Variants in YJU2B observed in about 807,000 individuals in gnomAD.
YJU2B encodes the protein YJU2 splicing factor homolog B.
YJU2B carries 18 observed loss-of-function variants against 38.0 expected under a neutral mutation model. The ratio of observed to expected loss-of-function variants is 0.47; its 90% CI spans 0.33 to 0.70. YJU2B has a LOEUF of 0.70. Among genes scored for constraint, YJU2B ranks in the 30% least tolerant of loss-of-function variants. The pLI, the probability that YJU2B is intolerant of heterozygous loss-of-function variation, is 0.02. For synonymous variants in YJU2B, 246 were observed against 225.4 expected, an observed-to-expected ratio of 1.09 and a Z score of -0.82; for missense variants, 538 against 556.3, an observed-to-expected ratio of 0.97 and a Z score of 0.33.
chr19:13,743,595 AAG>A (rs1346508469), upstream of YJU2B, among the ~76,000 whole-genome samples: 7 of 141,282 alleles, frequency 5.0e-5, no homozygotes, highest in Admixed American at 4.4e-4. Context: ...AAAAAAGAAA[AAG>A]AAAAAAATAG....
rs757574359 is a variant in YJU2B at position 13,756,193 on chromosome 19, A to C, written c.58-4A>C. 1 of 1,613,624 alleles carries C rather than the reference A, an allele frequency of 6.2e-7. No homozygotes were observed. On this transcript the variant is annotated splice_polypyrimidine_tract_variant and splice_region_variant and intron_variant, in intron 3 of 9. Transcript: ENST00000221554. Reference sequence around the variant, plus strand: ...CTAATCCGCTCCTCATCCTCTCCACACAGCATGGCTCTCTCAACCGATACC... The same window carrying C: ...CTAATCCGCTCCTCATCCTCTCCACCCAGCATGGCTCTCTCAACCGATACC...
At chr19:13,738,915 T>G (rs1440339944) in intron 2 of YJU2B, among the ~76,000 whole-genome samples, 1 of 110,828 alleles carries the variant, frequency 9.0e-6, no homozygotes, top group African/African-American at 3.6e-5. Flanking sequence ...AAAAAAAAAA[T>G]TAGCTGTGCA....
chr19:13,759,047 C>T, intron 7 of YJU2B, 37 bp downstream of exon 7: 1 of 1,612,108 alleles, frequency 6.2e-7, no homozygotes, highest in Non-Finnish European at 8.5e-7. Flanking sequence ...GGGGCCCTGG[C>T]CCTGAGTCTG....
intron 1 of YJU2B, among the ~76,000 whole-genome samples, chr19:13,750,497 G>A (rs562966825): frequency 3.5e-4 from 53 of 152,088 alleles, no homozygotes; most frequent in Non-Finnish European, 5.6e-4. Context: ...AAACTGCTGG[G>A]ATTACAGGTG....
intron 3 of YJU2B, among the ~76,000 whole-genome samples, chr19:13,755,422 C>G (rs1226116639): frequency 6.8e-6 from 1 of 147,340 alleles, no homozygotes; most frequent in African/African-American, 2.5e-5. Flanking sequence ...GATCACGCCA[C>G]TGCACTCCAG....
chr19:13,744,751 T>C (rs545344551), upstream of YJU2B, among the ~76,000 whole-genome samples: 13 of 152,204 alleles, frequency 8.5e-5, no homozygotes, highest in South Asian at 2.5e-3. Flanking sequence ...CCCAGCACTT[T>C]GGGAGGCCGA....
In YJU2B at chr19:13,759,143, G is replaced by A. The variant is rs866188754; in HGVS notation, c.444G>A (p.Arg148=). Residue 148 remains arginine, a synonymous_variant, in exon 8 of 10, where the codon CGG becomes CGA. Coordinates refer to ENST00000221554, the MANE Select transcript of YJU2B (RefSeq NM_030818.4). ...AGCTGGAGACGGACGCCATGTTCCGGCTGGAGCATGGCGAGGCCGACCGCA... is the reference window on the plus strand; with the variant it reads ...AGCTGGAGACGGACGCCATGTTCCGACTGGAGCATGGCGAGGCCGACCGCA... ...KQKLETDAMF[R]LEHGEADRST... is the part of the protein sequence containing the mutation. 6.2e-7 allele frequency: 1 copy of A among 1,613,706 alleles called. No homozygotes were observed. Among genetic ancestry groups the A allele is most frequent in the Non-Finnish European group, 8.5e-7 (1 of 1,179,884 alleles).
Position 13,758,942 on chromosome 19 carries a change from T to TCGTGAGTGGCGCCCAGCG in YJU2B, c.334_351dup (p.Val112_Arg117dup), listed in dbSNP as rs779112272. 1 of 1,614,062 alleles carries TCGTGAGTGGCGCCCAGCG rather than the reference T, an allele frequency of 6.2e-7. No individual in the cohort carries two copies. Among genetic ancestry groups the TCGTGAGTGGCGCCCAGCG allele is most frequent in the South Asian group, 1.1e-5 (1 of 91,084 alleles). On this transcript the variant is annotated inframe_insertion, in exon 7 of 10. Coordinates refer to ENST00000221554, the MANE Select transcript of YJU2B (RefSeq NM_030818.4). ...GACCCCGCCAACTGCGACTACGTGA[T>TCGTGAGTGGCGCCCAGCG]CGTGAGTGGCGCCCAGCGCAAGGAG...
At chr19:13,747,987 C>G (rs992688726) in intron 1 of YJU2B, 33 bp downstream of exon 1, 3 of 152,128 alleles carry the variant, frequency 2.0e-5, no homozygotes, top group Non-Finnish European at 2.9e-5. Flanking sequence ...GCGGGGAGGG[C>G]CGGGGGTCCG....
intron 4 of YJU2B, 133 bp downstream of exon 4, chr19:13,756,412 A>G: frequency 8.6e-6 from 6 of 696,798 alleles, no homozygotes; most frequent in Non-Finnish European, 1.5e-5. Context: ...CGTATCAGTC[A>G]GTTATTGCCG....
upstream of YJU2B, among the ~76,000 whole-genome samples, chr19:13,743,573 G>A (rs533182159): frequency 1.8e-4 from 25 of 135,618 alleles, no homozygotes; most frequent in Non-Finnish European, 3.4e-4. Context: ...GCAAGACTCA[G>A]TCTCAGGAAA....
rs914468846 is a variant in YJU2B, at chr19:13,747,945, A to T, written c.-211A>T. The T allele has an allele frequency of 6.6e-6, 1 of 152,194 alleles. No homozygotes were observed. The highest frequency in any genetic ancestry group is 1.9e-4 in the East Asian group (1 of 5,188). 9.4% of individuals were successfully genotyped at this position (152,194 alleles called of 1,614,324 possible). A position where few individuals can be genotyped will look rare whatever the true frequency, so the allele number is the denominator to read the frequency against. ...GGCACGGTCAGGGCGTGACGTCGGG[A>T]GGAGGGCAGGTAAGTGCCGGCGGGC... On this transcript the variant is annotated 5_prime_UTR_variant, in exon 1 of 10. Coordinates refer to ENST00000221554, the MANE Select transcript of YJU2B (RefSeq NM_030818.4).
intron 1 of YJU2B, among the ~76,000 whole-genome samples, chr19:13,750,581 G>A (rs997709160): frequency 9.2e-5 from 14 of 152,120 alleles, no homozygotes; most frequent in African/African-American, 3.4e-4. Flanking sequence ...ACAGGGGGCT[G>A]GGTGCAGTGG....
At position 13,752,605 on chromosome 19, in the gene YJU2B, G is replaced by A. The variant is rs144937616; in HGVS notation, c.3+794G>A. Among the ~76,000 whole-genome samples, 567 of 152,266 alleles carry A rather than the reference G, an allele frequency of 3.7e-3. 5 individuals carry two copies. The highest frequency in any genetic ancestry group is 0.013 in the African/African-American group (531 of 41,552). Reference sequence around the variant, plus strand: ...CTAAAAATACAAAAATTAGCCAGGCGTGTTGGCGGGAGCCTGTAGTCCCAG... The same window carrying A: ...CTAAAAATACAAAAATTAGCCAGGCATGTTGGCGGGAGCCTGTAGTCCCAG... On this transcript the variant is annotated intron_variant, in intron 2 of 9. Coordinates refer to ENST00000221554, the MANE Select transcript of YJU2B (RefSeq NM_030818.4).
Position 13,762,815 on chromosome 19 carries a change from C to T in YJU2B, c.938C>T (p.Thr313Ile), listed in dbSNP as rs763811265. The part of the protein sequence containing the change: ...VPESPQHAAD[T>I]PKSGEPRVPE... Reference sequence around the variant, plus strand: ...GAGAGCCCCCAGCATGCGGCCGACACCCCCAAGTCTGGGGAACCGCGGGTA... The same window carrying T: ...GAGAGCCCCCAGCATGCGGCCGACATCCCCAAGTCTGGGGAACCGCGGGTA... The change falls in exon 10 of 10, where the codon ACC becomes ATC. Residue 313 changes from threonine (T) to isoleucine (I), a missense_variant. Physicochemically the swap from Thr to Ile is moderately conservative, Grantham distance 89. Coordinates refer to ENST00000221554, the MANE Select transcript of YJU2B (RefSeq NM_030818.4). 2.5e-6 allele frequency: 4 copies of T among 1,603,628 alleles called. No homozygotes were observed. Among genetic ancestry groups the T allele is most frequent in the Non-Finnish European group, 3.4e-6 (4 of 1,176,138 alleles).
rs1226724478 is a variant in YJU2B, at chr19:13,759,279, G to T, written c.573+7G>T. 1 of 1,597,132 alleles carries T rather than the reference G, an allele frequency of 6.3e-7. No homozygotes were observed. The highest frequency in any genetic ancestry group is 1.3e-5 in the African/African-American group (1 of 74,486). On this transcript the variant is annotated splice_region_variant and intron_variant, in intron 8 of 9. Coordinates refer to ENST00000221554, the MANE Select transcript of YJU2B (RefSeq NM_030818.4). Reference sequence around the variant, plus strand: ...GCTGCGGAGAAGGTTCCGGGTGAGGGGGGCTCCAGCCCGGGGTCAGAGAGG... The same window carrying T: ...GCTGCGGAGAAGGTTCCGGGTGAGGTGGGCTCCAGCCCGGGGTCAGAGAGG...
At chr19:13,733,184 C>T (rs543753848) in intron 2 of YJU2B, among the ~76,000 whole-genome samples, 3 of 151,766 alleles carry the variant, frequency 2.0e-5, no homozygotes, top group Non-Finnish European at 4.4e-5. Flanking sequence ...CTGTCTCGGC[C>T]TCCCAAAGTG....
chr19:13,756,567 T>A (rs1973675206), intron 4 of YJU2B, among the ~76,000 whole-genome samples: 1 of 152,146 alleles, frequency 6.6e-6, no homozygotes, highest in Non-Finnish European at 1.5e-5. Context: ...GTTGGCTGGC[T>A]GGGGACTGGC....
chr19:13,755,919 T>C (rs1314345415), intron 3 of YJU2B, among the ~76,000 whole-genome samples: 4 of 151,804 alleles, frequency 2.6e-5, no homozygotes, highest in African/African-American at 9.7e-5. Context: ...GGTCATGCCA[T>C]TGCACTCCAG....
Sources: allele counts gnomAD v4.1 joint callset (sites outside exome capture counted in the v4.1 genomes callset), GRCh38; gene constraint gnomAD v4.1.1; transcripts MANE v1.5; gene names NCBI Gene and HGNC (gene_info 2026-07-23, HGNC 2026-07-21).